Variants in TEC observed in about 807,000 individuals in gnomAD.
The protein encoded by TEC is tec protein tyrosine kinase.
TEC carries 72 observed loss-of-function variants against 93.0 expected under a neutral mutation model. The ratio of observed to expected loss-of-function variants is 0.77; its 90% CI spans 0.64 to 0.94. The LOEUF (loss-of-function observed/expected upper bound fraction) is 0.94, where lower values mean the gene tolerates loss of function less well. Ranked by LOEUF, TEC falls within the 40% of genes least tolerant of loss-of-function variation. TEC has a pLI of 0.00. For missense variants in TEC, 630 were observed against 757.9 expected, an observed-to-expected ratio of 0.83 and a Z score of 1.98; for synonymous variants, 249 against 247.7, an observed-to-expected ratio of 1.01 and a Z score of -0.05.
chr4:48,219,261 G>C (rs552967876), intron 2 of TEC, among the ~76,000 whole-genome samples: 1 of 152,192 alleles, frequency 6.6e-6, no homozygotes, highest in Non-Finnish European at 1.5e-5. Flanking sequence ...CCGCTTGAGG[G>C]CTCCTTGGTC....
At chr4:48,243,691 C>A (rs73817611) in intron 1 of TEC, among the ~76,000 whole-genome samples, 2,237 of 152,210 alleles carry the variant, frequency 0.015, 58 homozygotes, top group African/African-American at 0.05. Flanking sequence ...CAGTGCTAGA[C>A]CACAGATGGT....
At chr4:48,269,485 G>A (rs1724729156) in intron 1 of TEC, among the ~76,000 whole-genome samples, 2 of 152,384 alleles carry the variant, frequency 1.3e-5, no homozygotes, top group South Asian at 4.1e-4. Context: ...AGAGGTCAGT[G>A]CGGGAGTTGG....
At chr4:48,143,359 C>T (rs2109505594) in intron 14 of TEC, among the ~76,000 whole-genome samples, 1 of 152,260 alleles carries the variant, frequency 6.6e-6, no homozygotes, top group South Asian at 2.1e-4. Context: ...TCTGCCACAC[C>T]CACGTAGATA....
At chr4:48,206,777 C>CAAAA (rs34761710) in intron 2 of TEC, among the ~76,000 whole-genome samples, 17 of 89,146 alleles carry the variant, frequency 1.9e-4, no homozygotes, top group African/African-American at 3.5e-4. Flanking sequence ...CTCGTTGCTA[C>CAAAA]AAAAAAAAAA....
At chr4:48,165,491 A>AC (rs1223279938) in intron 7 of TEC, among the ~76,000 whole-genome samples, 5 of 152,236 alleles carry the variant, frequency 3.3e-5, no homozygotes, top group African/African-American at 9.6e-5. Flanking sequence ...TCATTAATGA[A>AC]CCCCCAAATC....
At chr4:48,245,480 T>C (rs182438557) in intron 1 of TEC, among the ~76,000 whole-genome samples, 39 of 152,292 alleles carry the variant, frequency 2.6e-4, no homozygotes, top group Non-Finnish European at 4.9e-4. Flanking sequence ...CCCCACCCAG[T>C]ATTTAATTTC....
At chr4:48,168,420 A>T (rs1280539991) in intron 6 of TEC, among the ~76,000 whole-genome samples, 166 bp downstream of exon 6, 3 of 152,242 alleles carry the variant, frequency 2.0e-5, no homozygotes, top group Non-Finnish European at 4.4e-5. Flanking sequence ...CACCACAAAA[A>T]ATTGAAATAA....
At chr4:48,227,203 AG>A (rs1287501098) in intron 2 of TEC, among the ~76,000 whole-genome samples, 19 of 152,336 alleles carry the variant, frequency 1.2e-4, no homozygotes, top group African/African-American at 4.3e-4. Context: ...GAGCCACAGC[AG>A]AAATTAAGAG....
intron 9 of TEC, among the ~76,000 whole-genome samples, chr4:48,154,192 T>G (rs529607110): frequency 2.0e-4 from 31 of 152,376 alleles, no homozygotes; most frequent in African/African-American, 6.5e-4. Context: ...GTGTGTGACA[T>G]TTCTATGTGA....
intron 2 of TEC, among the ~76,000 whole-genome samples, chr4:48,220,801 G>A (rs4695360): frequency 0.63 from 96,556 of 152,074 alleles, 30,796 homozygotes; most frequent in Admixed American, 0.69. Flanking sequence ...ACAACAGCCA[G>A]CTCTCCAATT....
intron 7 of TEC, among the ~76,000 whole-genome samples, chr4:48,166,697 A>G (rs1482188855): frequency 1.3e-5 from 2 of 152,040 alleles, no homozygotes; most frequent in Non-Finnish European, 2.9e-5. Flanking sequence ...AATTTCTACA[A>G]CAAAAAAAAA....
intron 2 of TEC, among the ~76,000 whole-genome samples, chr4:48,207,444 T>A (rs1722750683): frequency 6.6e-6 from 1 of 152,088 alleles, no homozygotes; most frequent in African/African-American, 2.4e-5. Context: ...CTTCAAGACG[T>A]CCTCAAGGAA....
intron 2 of TEC, among the ~76,000 whole-genome samples, chr4:48,188,859 A>C (rs1429252766): frequency 6.6e-6 from 1 of 151,956 alleles, no homozygotes; most frequent in African/African-American, 2.4e-5. Context: ...CAATATAACA[A>C]GGTGTGTGTG....
chr4:48,259,330 C>T (rs908087092), intron 1 of TEC, among the ~76,000 whole-genome samples: 9 of 152,118 alleles, frequency 5.9e-5, no homozygotes, highest in African/African-American at 9.7e-5. Flanking sequence ...TGTTTGCCTA[C>T]GTAACAAACC....
intron 1 of TEC, among the ~76,000 whole-genome samples, chr4:48,251,446 TCTCA>T (rs559465485): frequency 6.6e-6 from 1 of 152,228 alleles, no homozygotes; most frequent in Admixed American, 6.5e-5. Context: ...AGCCAGTTAT[TCTCA>T]CTATGTTATC....
intron 2 of TEC, among the ~76,000 whole-genome samples, chr4:48,188,579 A>G (rs1303349132): frequency 6.6e-6 from 1 of 152,202 alleles, no homozygotes; most frequent in Non-Finnish European, 1.5e-5. Context: ...TCTACACTGT[A>G]TGAGTATTTA....
intron 7 of TEC, among the ~76,000 whole-genome samples, chr4:48,164,723 C>T (rs1720811084): frequency 6.6e-6 from 1 of 152,086 alleles, no homozygotes; most frequent in African/African-American, 2.4e-5. Flanking sequence ...AAATTGTGTC[C>T]AGGTGCAGTG....
At chr4:48,173,886 G>A (rs1025633001) in intron 3 of TEC, among the ~76,000 whole-genome samples, 19 of 152,106 alleles carry the variant, frequency 1.2e-4, no homozygotes, top group Non-Finnish European at 5.9e-5. Flanking sequence ...CAGCTGGTGT[G>A]GATTCCCCAC....
At chr4:48,171,648 C>T (rs779693538) in intron 3 of TEC, among the ~76,000 whole-genome samples, 199 bp from the exon 4 acceptor site, 5 of 152,280 alleles carry the variant, frequency 3.3e-5, no homozygotes, top group Non-Finnish European at 5.9e-5. Flanking sequence ...GTAGAATACA[C>T]GTTTTGCAAA....
Sources: gnomAD v4.1 joint callset for allele counts (sites outside exome capture counted in the v4.1 genomes callset) on GRCh38, gnomAD v4.1.1 for gene constraint, MANE v1.5 for transcripts, NCBI Gene and HGNC (gene_info 2026-07-23, HGNC 2026-07-21) for gene names.